GRAMD1C: variants seen among roughly 807,000 people sequenced by gnomAD.
The protein encoded by GRAMD1C is protein Aster-C.
A neutral mutation model predicts 97.8 loss-of-function variants in GRAMD1C; 89 were observed. The ratio of observed to expected loss-of-function variants is 0.91; its 90% CI spans 0.77 to 1.09. The LOEUF is 1.09. Among genes scored for constraint, GRAMD1C ranks in the 50% least tolerant of loss-of-function variants. The pLI, the probability that GRAMD1C is intolerant of heterozygous loss-of-function variation, is 0.00. For missense variants in GRAMD1C, 740 were observed against 766.4 expected (o/e 0.97, Z 0.41); for synonymous variants, 256 against 267.0 (o/e 0.96, Z 0.40).
intron 6 of GRAMD1C, among the ~76,000 whole-genome samples, chr3:113,886,869 A>G (rs187343239): frequency 1.1e-4 from 16 of 140,166 alleles, no homozygotes; most frequent in African/African-American, 4.0e-4. Context: ...GCAACCTCCA[A>G]CTCCCTGGTT....
intron 6 of GRAMD1C, chr3:113,885,801 A>G (rs1577164005): frequency 1.2e-6 from 2 of 1,610,176 alleles, no homozygotes; most frequent in East Asian, 2.2e-5. Flanking sequence ...GAGCAGCTAC[A>G]TCAAGGACCT....
chr3:113,839,043 C>G, intron 1 of GRAMD1C, 107 bp downstream of exon 1: 1 of 699,916 alleles, frequency 1.4e-6, no homozygotes, highest in Non-Finnish European at 2.0e-6. Context: ...CCCTCCCTTC[C>G]CTTTTCTTCG....
At chr3:113,877,055 A>G (rs1935074578) in intron 5 of GRAMD1C, among the ~76,000 whole-genome samples, 1 of 152,092 alleles carries the variant, frequency 6.6e-6, no homozygotes, top group Non-Finnish European at 1.5e-5. Context: ...GCCATGTTGC[A>G]CAGGCCAGCC....
chr3:113,909,329 GAAAAGC>G (rs770956478), intron 9 of GRAMD1C, among the ~76,000 whole-genome samples: 84 of 152,296 alleles, frequency 5.5e-4, no homozygotes, highest in Non-Finnish European at 1.0e-3. Flanking sequence ...CCTGGAATCT[GAAAAGC>G]TTCTTTGCAT....
chr3:113,884,135 A>G (rs1935362192), intron 6 of GRAMD1C, among the ~76,000 whole-genome samples: 2 of 152,190 alleles, frequency 1.3e-5, no homozygotes, highest in Non-Finnish European at 2.9e-5. Context: ...CACTCCACCA[A>G]ACAGTAGCAG....
At chr3:113,851,918 G>A (rs1224268813) in intron 2 of GRAMD1C, among the ~76,000 whole-genome samples, 1 of 151,980 alleles carries the variant, frequency 6.6e-6, no homozygotes. Context: ...AGCCAGGCTG[G>A]AGTGCAGTGG....
At chr3:113,839,136 T>C (rs578204039) in intron 1 of GRAMD1C, among the ~76,000 whole-genome samples, 200 bp downstream of exon 1, 1 of 152,260 alleles carries the variant, frequency 6.6e-6, no homozygotes, top group South Asian at 2.1e-4. Flanking sequence ...CGGGCGGTGG[T>C]GGGGACATTT....
Position 113,945,786 on chromosome 3 carries a change from G to T in GRAMD1C, c.*308G>T. On this transcript the variant is annotated 3_prime_UTR_variant, in exon 18 of 18. Transcript: ENST00000358160. ...TGACACACCCTGAATTGAGTGGTAT[G>T]GTCTCATTTCTACAGTGAAGTCTGA... The T allele has an allele frequency of 3.7e-6, 1 of 271,294 alleles. No individual in the cohort carries two copies. The highest frequency in any genetic ancestry group is 5.3e-5 in the Admixed American group (1 of 18,848). The allele number at this position is 271,294 out of a possible 1,614,324, so 16.8% of individuals were successfully genotyped here.
intron 10 of GRAMD1C, among the ~76,000 whole-genome samples, chr3:113,921,966 T>C (rs1057341612): frequency 7.9e-5 from 12 of 152,198 alleles, no homozygotes; most frequent in African/African-American, 2.9e-4. Flanking sequence ...TTTAGTTTAA[T>C]TATGTCCCAT....
At chr3:113,835,117 T>C (rs1374735304), upstream of GRAMD1C, among the ~76,000 whole-genome samples, 1 of 152,026 alleles carries the variant, frequency 6.6e-6, no homozygotes, top group African/African-American at 2.4e-5. Context: ...ATTCCCCTGA[T>C]TGTGGTAAGC....
Position 113,858,950 on chromosome 3 carries a change from T to C in GRAMD1C, c.175-10557T>C, listed in dbSNP as rs529334296. Among the ~76,000 whole-genome samples the C allele has an allele frequency of 6.4e-4, 98 of 152,316 alleles. 1 individual carries two copies. The highest frequency in any genetic ancestry group is 1.4e-3 in the Admixed American group (21 of 15,300). Reference sequence around the variant, plus strand: ...TGCTGACCCTGTTTTATTCCTGATATTGGTAGTTTGTGTCTTCTCTCACTC... The same window carrying C: ...TGCTGACCCTGTTTTATTCCTGATACTGGTAGTTTGTGTCTTCTCTCACTC... On this transcript the variant is annotated intron_variant, in intron 2 of 17. Transcript: ENST00000358160.
At chr3:113,916,635 A>G (rs1936824797) in intron 10 of GRAMD1C, among the ~76,000 whole-genome samples, 1 of 152,102 alleles carries the variant, frequency 6.6e-6, no homozygotes, top group African/African-American at 2.4e-5. Context: ...AGCTTTTGGG[A>G]TGCTGGTTTA....
intron 2 of GRAMD1C, among the ~76,000 whole-genome samples, chr3:113,847,865 A>G (rs1267048613): frequency 6.6e-6 from 1 of 152,234 alleles, no homozygotes; most frequent in African/African-American, 2.4e-5. Context: ...GACAAGTAGC[A>G]TAACAGGAAT....
intron 13 of GRAMD1C, among the ~76,000 whole-genome samples, chr3:113,935,475 A>G (rs1468906448): frequency 7.4e-5 from 11 of 148,228 alleles, no homozygotes. Flanking sequence ...TTCTTAACAT[A>G]TACATGCGAG....
At chr3:113,886,520 T>C (rs1935487466) in intron 6 of GRAMD1C, among the ~76,000 whole-genome samples, 1 of 152,102 alleles carries the variant, frequency 6.6e-6, no homozygotes, top group African/African-American at 2.4e-5. Flanking sequence ...ATTTTTCCCC[T>C]CTTTACTTTC....
intron 16 of GRAMD1C, 47 bp from the exon 17 acceptor site, chr3:113,940,193 G>A (rs1937702867): frequency 1.8e-6 from 2 of 1,129,442 alleles, no homozygotes; most frequent in Non-Finnish European, 2.7e-6. Flanking sequence ...ATGAAAAAAA[G>A]ATCAGAAGCT....
intron 5 of GRAMD1C, among the ~76,000 whole-genome samples, chr3:113,879,781 C>T (rs1935191193): frequency 6.6e-6 from 1 of 151,152 alleles, no homozygotes; most frequent in Non-Finnish European, 1.5e-5. Context: ...GCAACCTCCA[C>T]CTCCCAGGTT....
chr3:113,898,163 T>C (rs1936011123), intron 6 of GRAMD1C, among the ~76,000 whole-genome samples: 1 of 152,198 alleles, frequency 6.6e-6, no homozygotes, highest in Non-Finnish European at 1.5e-5. Flanking sequence ...AAAACATTTA[T>C]GTAGTCAAAT....
chr3:113,888,387 A>G (rs1935591769), intron 6 of GRAMD1C, among the ~76,000 whole-genome samples: 1 of 152,218 alleles, frequency 6.6e-6, no homozygotes, highest in Admixed American at 6.5e-5. Flanking sequence ...CATTTATGCA[A>G]GATGAATGAG....
Sources: gnomAD v4.1 joint callset for allele counts (sites outside exome capture counted in the v4.1 genomes callset) on GRCh38, gnomAD v4.1.1 for gene constraint, MANE v1.5 for transcripts, NCBI Gene and HGNC (gene_info 2026-07-23, HGNC 2026-07-21) for gene names.